BTNL8: variants seen among roughly 807,000 people sequenced by gnomAD.
BTNL8 encodes the protein butyrophilin like 8.
Under a neutral mutation model 36.1 loss-of-function variants are expected in BTNL8, and 22 were observed. The observed-to-expected ratio is 0.61, with a 90% CI of 0.44 to 0.87. The LOEUF (loss-of-function observed/expected upper bound fraction) is 0.87, where lower values mean the gene tolerates loss of function less well. Ranked by LOEUF, BTNL8 falls within the 40% of genes least tolerant of loss-of-function variation. BTNL8 has a pLI of 0.00. For missense variants in BTNL8, 526 were observed against 616.9 expected, an observed-to-expected ratio of 0.85 and a Z score of 1.56; for synonymous variants, 203 against 235.6, an observed-to-expected ratio of 0.86 and a Z score of 1.27.
In BTNL8 at chr5:180,908,618, G is replaced by C. The variant is rs957987376; in HGVS notation, c.82G>C (p.Val28Leu). 1.9e-6 allele frequency: 3 copies of C among 1,614,230 alleles called. No homozygotes were observed. The South Asian group carries it at 3.3e-5, about 18-fold the overall frequency. The change falls in exon 2 of 8, where the codon GTC becomes CTC. Residue 28 changes from valine (V) to leucine (L), a missense_variant. Physicochemically the swap from Val to Leu is conservative, Grantham distance 32. Transcript: ENST00000340184. ...QWQVFGPDKP[V>L]QALVGEDAAF... Reference sequence around the variant, plus strand: ...GCAGGTGTTTGGGCCAGACAAGCCTGTCCAGGCCTTGGTGGGGGAGGACGC... The same window carrying C: ...GCAGGTGTTTGGGCCAGACAAGCCTCTCCAGGCCTTGGTGGGGGAGGACGC...
In BTNL8 at chr5:180,950,160, C is replaced by A. The variant is rs370827491; in HGVS notation, c.1119C>A (p.Pro373=). 1.1e-5 allele frequency: 16 copies of A among 1,462,672 alleles called. No individual in the cohort carries two copies. In the South Asian group the frequency reaches 1.7e-4, roughly 15 times the overall value. The allele number at this position is 1,462,672 out of a possible 1,614,324, so 90.6% of individuals were successfully genotyped here. Residue 373 remains proline (P), a synonymous_variant, in exon 8 of 8, where the codon CCC becomes CCA. Transcript: ENST00000340184. ...DRRKEYVTLS[P]DHGYWVLRLN... Reference sequence around the variant, plus strand: ...GGAAGGAGTACGTGACTTTGTCTCCCGATCATGGGTACTGGGTCCTCAGAC... The same window carrying A: ...GGAAGGAGTACGTGACTTTGTCTCCAGATCATGGGTACTGGGTCCTCAGAC...
intron 3 of BTNL8, among the ~76,000 whole-genome samples, chr5:180,936,240 C>T (rs1395480427): frequency 1.3e-5 from 2 of 152,022 alleles, no homozygotes. Flanking sequence ...ATGTCCTAAC[C>T]AGCACAGTTA....
chr5:180,911,111 T>C (rs1254790400), intron 2 of BTNL8, among the ~76,000 whole-genome samples: 1 of 152,236 alleles, frequency 6.6e-6, no homozygotes, highest in Non-Finnish European at 1.5e-5. Flanking sequence ...CAGTTTTGTC[T>C]TACTTCATCA....
In BTNL8 at chr5:180,949,947, C is replaced by T. The variant is rs368072792; in HGVS notation, c.906C>T (p.Cys302=). The T allele has an allele frequency of 3.6e-5, 52 of 1,460,802 alleles. 12 individuals are homozygous for T. The Admixed American group carries it at 5.8e-4, about 16-fold the overall frequency. The allele number at this position is 1,460,802 out of a possible 1,614,324, so 90.5% of individuals were successfully genotyped here. The change falls in exon 8 of 8, where the codon TGC becomes TGT. Residue 302 remains cysteine, a synonymous_variant. Transcript: ENST00000340184. The part of the protein sequence containing the change: ...LDPETAHPKL[C]VSDLKTVTHR... The stretch of plus-strand genomic sequence containing the variant: ...CAGAGACGGCTCACCCGAAGCTCTG[C>T]GTTTCTGATCTGAAAACTGTAACCC...
intron 2 of BTNL8, chr5:180,909,883 A>G (rs1757311012): frequency 6.6e-6 from 1 of 152,228 alleles, no homozygotes; most frequent in African/African-American, 2.4e-5. Context: ...TAGTGTCACT[A>G]CAATTGGCAT....
At chr5:180,948,425 C>G in intron 5 of BTNL8, 50 bp downstream of exon 5, 1 of 1,572,534 alleles carries the variant, frequency 6.4e-7, no homozygotes, top group African/African-American at 1.3e-5. Context: ...CTCCCGGGTC[C>G]CTCCCTGATC....
At chr5:180,936,322 A>C (rs1758653178) in intron 3 of BTNL8, among the ~76,000 whole-genome samples, 1 of 152,192 alleles carries the variant, frequency 6.6e-6, no homozygotes, top group Admixed American at 6.5e-5. Flanking sequence ...TAGTAATAAC[A>C]TCATCTTATA....
intron 2 of BTNL8, among the ~76,000 whole-genome samples, chr5:180,910,612 A>G (rs923510872): frequency 1.3e-5 from 2 of 152,204 alleles, no homozygotes; most frequent in African/African-American, 4.8e-5. Context: ...CCTTCCTTGC[A>G]AAGTACTTTC....
chr5:180,933,690 G>C (rs1349627262), intron 3 of BTNL8, among the ~76,000 whole-genome samples: 1 of 151,930 alleles, frequency 6.6e-6, no homozygotes, highest in Non-Finnish European at 1.5e-5. Flanking sequence ...CAAAGAAGAA[G>C]GATCTCTAAT....
chr5:180,917,986 G>A (rs529684299), intron 3 of BTNL8, among the ~76,000 whole-genome samples: 52 of 148,206 alleles, frequency 3.5e-4, no homozygotes, highest in African/African-American at 1.2e-3. Context: ...CTGAGATGGC[G>A]CCACTGCACT....
In BTNL8 at chr5:180,949,930, G is replaced by C. The variant is rs747917373; in HGVS notation, c.889G>C (p.Ala297Pro). 5 of 1,459,270 alleles carry C rather than the reference G, an allele frequency of 3.4e-6. 1 individual carries two copies. In the South Asian group the frequency reaches 5.6e-5, roughly 16 times the overall value. 90.4% of individuals were successfully genotyped at this position (1,459,270 alleles called of 1,614,324 possible). A position where few individuals can be genotyped will look rare whatever the true frequency, so the allele number is the denominator to read the frequency against. Residue 297 changes from alanine to proline, a missense_variant, in exon 8 of 8, where the codon GCT becomes CCT. Transcript: ENST00000340184. ...GGAGGTGACTCTGGATCCAGAGACGGCTCACCCGAAGCTCTGCGTTTCTGA... is the reference window on the plus strand; with the variant it reads ...GGAGGTGACTCTGGATCCAGAGACGCCTCACCCGAAGCTCTGCGTTTCTGA... ...AVEVTLDPET[A>P]HPKLCVSDLK...
intron 2 of BTNL8, among the ~76,000 whole-genome samples, chr5:180,910,384 C>T (rs1189932354): frequency 1.3e-5 from 2 of 152,160 alleles, no homozygotes; most frequent in African/African-American, 4.8e-5. Context: ...ATATATGGCC[C>T]AGAACATTTG....
At chr5:180,907,310 C>T (rs1277893540) in intron 1 of BTNL8, among the ~76,000 whole-genome samples, 4 of 122,606 alleles carry the variant, frequency 3.3e-5, no homozygotes, top group African/African-American at 4.1e-5. Flanking sequence ...TCCAGTTGAT[C>T]GCATCGGCTC....
intron 1 of BTNL8, among the ~76,000 whole-genome samples, chr5:180,902,673 C>A (rs7712380): frequency 7.6e-6 from 1 of 132,336 alleles, no homozygotes; most frequent in Non-Finnish European, 1.6e-5. Flanking sequence ...TATCCCTCCC[C>A]CCTCCCCCTA....
chr5:180,940,411 T>C (rs1758871606), intron 3 of BTNL8, among the ~76,000 whole-genome samples: 1 of 147,622 alleles, frequency 6.8e-6, no homozygotes, highest in Non-Finnish European at 1.5e-5. Context: ...TACTAGGAGG[T>C]AAGTTTATAG....
At chr5:180,907,885 T>A (rs1757170138) in intron 1 of BTNL8, among the ~76,000 whole-genome samples, 1 of 151,474 alleles carries the variant, frequency 6.6e-6, no homozygotes, top group African/African-American at 2.4e-5. Flanking sequence ...TTCTCAGATC[T>A]CCAGCTGCGT....
At position 180,899,290 on chromosome 5, in the gene BTNL8, G is replaced by A. The variant is rs563737403; in HGVS notation, c.-21G>A. ...CTGTCATCCGTTTCCATGCCGTGAG[G>A]TCCATTCACAGAACACATCCATGGC... On this transcript the variant is annotated 5_prime_UTR_variant, in exon 1 of 8. Transcript: ENST00000340184. 4.3e-6 allele frequency: 7 copies of A among 1,613,790 alleles called. No homozygotes were observed. In the South Asian group the frequency reaches 7.7e-5, roughly 18 times the overall value.
At chr5:180,923,211 T>G (rs1757951483) in intron 3 of BTNL8, among the ~76,000 whole-genome samples, 1 of 152,034 alleles carries the variant, frequency 6.6e-6, no homozygotes. Flanking sequence ...AATAAGAAAT[T>G]TTCAGAAACA....
At chr5:180,944,836 G>A (rs1392687204) in intron 3 of BTNL8, among the ~76,000 whole-genome samples, 2 of 151,894 alleles carry the variant, frequency 1.3e-5, no homozygotes, top group Non-Finnish European at 2.9e-5. Flanking sequence ...CACAAATAAA[G>A]GAAATATATT....
Sources: gnomAD v4.1 joint callset for allele counts (sites outside exome capture counted in the v4.1 genomes callset) on GRCh38, gnomAD v4.1.1 for gene constraint, MANE v1.5 for transcripts, NCBI Gene and HGNC (gene_info 2026-07-23, HGNC 2026-07-21) for gene names.